CAMTA2: variants seen among roughly 807,000 people sequenced by gnomAD.
The protein encoded by CAMTA2 is calmodulin-binding transcription activator 2.
In CAMTA2, 56 loss-of-function variants were observed where a neutral mutation model predicts 135.7. That is an observed-to-expected ratio of 0.41 (90% CI 0.33 to 0.52). The LOEUF (loss-of-function observed/expected upper bound fraction) is 0.52, where lower values mean the gene tolerates loss of function less well. Among genes scored for constraint, CAMTA2 ranks in the 20% least tolerant of loss-of-function variants. The probability of loss-of-function intolerance (pLI) is 0.16; values close to 1 mark genes in which losing one functional copy is unlikely to be tolerated. For synonymous variants in CAMTA2, 591 were observed against 604.6 expected, an observed-to-expected ratio of 0.98 and a Z score of 0.33; for missense variants, 1,358 against 1,553.4, an observed-to-expected ratio of 0.87 and a Z score of 2.11.
At chr17:4,976,769 A>G (rs1972641657) in intron 11 of CAMTA2, among the ~76,000 whole-genome samples, 1 of 152,208 alleles carries the variant, frequency 6.6e-6, no homozygotes, top group African/African-American at 2.4e-5. Flanking sequence ...ATATTGCTCT[A>G]GACCCTGTCC....
In CAMTA2 at chr17:4,973,785, T is replaced by C; in HGVS notation, c.2017-16A>G. The C allele has an allele frequency of 6.4e-7, 1 of 1,569,650 alleles. No individual in the cohort carries two copies. The highest frequency in any genetic ancestry group is 1.2e-5 in the South Asian group (1 of 85,912). On this transcript the variant is annotated splice_polypyrimidine_tract_variant and intron_variant, in intron 12 of 22. Transcript: ENST00000348066. Reference sequence around the variant, plus strand: ...GGCCTTCATCCTGCGATATACACACTCTTAGGCAGAGACCCAGGTATCTAC... The same window carrying C: ...GGCCTTCATCCTGCGATATACACACCCTTAGGCAGAGACCCAGGTATCTAC...
chr17:4,987,077 C>T lies in CAMTA2; in HGVS notation c.-65+516G>A. 4 of 1,396,094 alleles carry T rather than the reference C, an allele frequency of 2.9e-6. No homozygotes were observed. In the East Asian group the frequency reaches 1.2e-4, roughly 41 times the overall value. The allele number at this position is 1,396,094 out of a possible 1,614,324, so 86.5% of individuals were successfully genotyped here. ...AGGATGGAGATGGGAGGAGGCCCGTCGGGCTCGGCTATGTGCAGTGAAGCT... is the reference window on the plus strand; with the variant it reads ...AGGATGGAGATGGGAGGAGGCCCGTTGGGCTCGGCTATGTGCAGTGAAGCT... On this transcript the variant is annotated intron_variant, in intron 1 of 22. Transcript: ENST00000348066.
rs1227360110 is a variant in CAMTA2 at position 4,981,767 on chromosome 17, C to T, written c.476G>A (p.Cys159Tyr). 8 of 1,613,640 alleles carry T rather than the reference C, an allele frequency of 5.0e-6. No homozygotes were observed. The highest frequency in any genetic ancestry group is 6.8e-6 in the Non-Finnish European group (8 of 1,179,740). The change falls in exon 7 of 23, where the codon TGC (cysteine) becomes TAC (tyrosine). Residue 159 changes from cysteine to tyrosine, a missense_variant. This residue lies in a region of CAMTA2 where 1,077 missense variants were observed against 1,127.5 expected (regional missense o/e 0.96). Transcript: ENST00000348066. ...VPALEDCGKG[C>Y]SPIFCSISSD... The stretch of plus-strand genomic sequence containing the variant: ...GCTGATGGAACAAAAGATGGGGCTG[C>T]AGCCCTTTCCACAGTCCTCCAGGGC...
At chr17:4,986,054 G>C (rs1973259461) in intron 2 of CAMTA2, 71 bp from the exon 3 acceptor site, 1 of 1,241,272 alleles carries the variant, frequency 8.1e-7, no homozygotes, top group Non-Finnish European at 1.2e-6. Flanking sequence ...AAGGGGAAAG[G>C]GCTGAAGGCA....
intron 16 of CAMTA2, among the ~76,000 whole-genome samples, chr17:4,970,986 C>CTAT (rs1972248540): frequency 6.6e-6 from 1 of 152,220 alleles, no homozygotes; most frequent in Admixed American, 6.5e-5. Flanking sequence ...GCCCTGAAGC[C>CTAT]TATACTCCAG....
Position 4,979,685 on chromosome 17 carries a change from T to G in CAMTA2, c.1637A>C (p.Glu546Ala). The G allele has an allele frequency of 6.2e-7, 1 of 1,608,968 alleles. No homozygotes were observed. The highest frequency in any genetic ancestry group is 8.5e-7 in the Non-Finnish European group (1 of 1,176,354). ...TDFSPEWSYP[E>A]GGVKVLITGP... Reference sequence around the variant, plus strand: ...GGAGGAGGTAAGCCTGAGTCTCACCTCTGGGTAGGACCACTCTGGGGAGAA... The same window carrying G: ...GGAGGAGGTAAGCCTGAGTCTCACCGCTGGGTAGGACCACTCTGGGGAGAA... Residue 546 changes from glutamate to alanine, a missense_variant and splice_region_variant, in exon 9 of 23, where the codon GAG becomes GCG. By Grantham distance (107) the Glu-to-Ala change is moderately radical. This residue lies in a region of CAMTA2 where 1,077 missense variants were observed against 1,127.5 expected (regional missense o/e 0.96). Transcript: ENST00000348066.
intron 3 of CAMTA2, 71 bp from the exon 4 acceptor site, chr17:4,983,114 T>G: frequency 7.8e-7 from 1 of 1,285,730 alleles, no homozygotes; most frequent in East Asian, 2.3e-5. Context: ...TTGGTCATCC[T>G]GTCAGTGTCT....
Position 4,980,429 on chromosome 17 carries a change from G to A in CAMTA2, c.893C>T (p.Ser298Leu), listed in dbSNP as rs547967195. 7.8e-5 allele frequency: 126 copies of A among 1,613,720 alleles called. 2 individuals are homozygous for A. In the South Asian group the frequency reaches 1.3e-3, roughly 17 times the overall value. Residue 298 changes from serine to leucine, a missense_variant, in exon 9 of 23, where the codon TCA becomes TTA. Around this residue, in one of 4 missense-constraint regions of CAMTA2, gnomAD observed 1,077 missense variants for 1,127.5 expected, o/e 0.96. Coordinates refer to ENST00000348066, the MANE Select transcript of CAMTA2 (RefSeq NM_015099.4). The surrounding 1 kb of genome is among the most constrained non-coding windows in gnomAD (Gnocchi z 5.3). Reference sequence around the variant, plus strand: ...TTCTAGGGGCTCTGCAAAACCTGATGAGGAGGAAGAAGAGGAAGAAGATGG... The same window carrying A: ...TTCTAGGGGCTCTGCAAAACCTGATAAGGAGGAAGAAGAGGAAGAAGATGG... ...TSPSSSSSSS[S>L]SGFAEPLEIR...
In CAMTA2 at chr17:4,968,073, G is replaced by T. The variant is rs1972022357; in HGVS notation, c.*683C>A. 2.0e-6 allele frequency: 1 copy of T among 509,838 alleles called. No homozygotes were observed. The highest frequency in any genetic ancestry group is 1.9e-5 in the African/African-American group (1 of 52,004). The allele number at this position is 509,838 out of a possible 1,614,324, so 31.6% of individuals were successfully genotyped here. On this transcript the variant is annotated 3_prime_UTR_variant, in exon 23 of 23. Transcript: ENST00000348066. ...TAGAAAGTGCCCGTGGAGCCGGCAG[G>T]AGGCCCCCGCCGCGCTAGAGAACCA...
intron 16 of CAMTA2, among the ~76,000 whole-genome samples, chr17:4,971,010 A>AC (rs1434922596): frequency 1.2e-4 from 19 of 152,302 alleles, no homozygotes; most frequent in African/African-American, 4.3e-4. Flanking sequence ...TTCCTGCTGG[A>AC]CACACTCAAC....
In CAMTA2 at chr17:4,973,324, T is replaced by C. The variant is rs987701115; in HGVS notation, c.2202-71A>G. The C allele has an allele frequency of 6.2e-6, 8 of 1,285,242 alleles. 1 individual carries two copies. Among genetic ancestry groups the C allele is most frequent in the Admixed American group, 3.4e-5 (2 of 59,038 alleles). 79.6% of individuals were successfully genotyped at this position (1,285,242 alleles called of 1,614,324 possible). A position where few individuals can be genotyped will look rare whatever the true frequency, so the allele number is the denominator to read the frequency against. ...GTGGGCAAAGCAGGAACATCAGAAG[T>C]AAAGGCACTAGGAGGCAAGCTGTAC... is the stretch of plus-strand genomic sequence containing the variant. On this transcript the variant is annotated intron_variant, in intron 13 of 22. Coordinates refer to ENST00000348066, the MANE Select transcript of CAMTA2 (RefSeq NM_015099.4).
At chr17:4,983,455 T>TG (rs1973084524) in intron 3 of CAMTA2, among the ~76,000 whole-genome samples, 1 of 151,386 alleles carries the variant, frequency 6.6e-6, no homozygotes, top group Non-Finnish European at 1.5e-5. Context: ...GGTAATTTTG[T>TG]ATTTTTTTTA....
chr17:4,983,023 G>T lies in CAMTA2; in HGVS notation c.156C>A (p.Ile52=). 6.2e-7 allele frequency: 1 copy of T among 1,614,052 alleles called. No homozygotes were observed. The highest frequency in any genetic ancestry group is 1.1e-5 in the South Asian group (1 of 91,052). Residue 52 remains isoleucine (I), a synonymous_variant, in exon 4 of 23, where the codon ATC becomes ATA. Transcript: ENST00000348066. ...NTNEEIASYL[I]TFEKHDEWLS... Reference sequence around the variant, plus strand: ...GCCACTCATCATGCTTCTCAAAGGTGATCAGGTAGGATGCAATCTCCTGTA... The same window carrying T: ...GCCACTCATCATGCTTCTCAAAGGTTATCAGGTAGGATGCAATCTCCTGTA...
At chr17:4,984,899 C>A (rs942676734) in intron 3 of CAMTA2, among the ~76,000 whole-genome samples, 1 of 152,252 alleles carries the variant, frequency 6.6e-6, no homozygotes, top group South Asian at 2.1e-4. Context: ...TGCCTGTAGT[C>A]CCAGCTACTC....
At chr17:4,973,398 G>A in intron 13 of CAMTA2, 145 bp from the exon 14 acceptor site, 4 of 866,780 alleles carry the variant, frequency 4.6e-6, no homozygotes, top group Non-Finnish European at 7.5e-6. Context: ...AGGAGGTCAA[G>A]AAGTCAAAGT....
chr17:4,973,256 G>A lies in CAMTA2; in HGVS notation c.2202-3C>T. ...CCAAGCTTCCAGTCTCCACACTCCT[G>A]GAGGGTTTGGGAGAGAGACAGCAGA... On this transcript the variant is annotated splice_polypyrimidine_tract_variant and splice_region_variant and intron_variant, in intron 13 of 22. Coordinates refer to ENST00000348066, the MANE Select transcript of CAMTA2 (RefSeq NM_015099.4). The A allele has an allele frequency of 3.1e-6, 5 of 1,611,836 alleles. No individual in the cohort carries two copies. Among genetic ancestry groups the A allele is most frequent in the Non-Finnish European group, 4.2e-6 (5 of 1,177,936 alleles).
intron 1 of CAMTA2, chr17:4,987,262 A>G: frequency 7.4e-7 from 1 of 1,344,154 alleles, no homozygotes; most frequent in Non-Finnish European, 9.5e-7. Context: ...TGGTGGTCCC[A>G]GGAGAACCTC....
chr17:4,969,251 C>G lies in CAMTA2; in HGVS notation c.3369G>C (p.Gln1123His). The G allele has an allele frequency of 6.2e-7, 1 of 1,613,912 alleles. No individual in the cohort carries two copies. The change falls in exon 21 of 23, where the codon CAG (glutamine) becomes CAC (histidine). Residue 1123 changes from glutamine (Q) to histidine (H), a missense_variant. Coordinates refer to ENST00000348066, the MANE Select transcript of CAMTA2 (RefSeq NM_015099.4). This position sits in a 1 kb window ranked among gnomAD's most constrained non-coding sequence, Gnocchi z 5.6. ...GGATGAGCACAGCCGCTCGGCGGCT[C>G]TGCTGAAATCGCTTCTGTTCATAGT... is the stretch of plus-strand genomic sequence containing the variant. Reference protein sequence around the residue: ...RSYYEQKRFQQSRRAAVLIQQ... With the variant: ...RSYYEQKRFQHSRRAAVLIQQ...
chr17:4,981,412 G>A (rs1044002428), intron 7 of CAMTA2, 53 bp from the exon 8 acceptor site: 2 of 1,594,496 alleles, frequency 1.3e-6, no homozygotes, highest in African/African-American at 2.7e-5. Flanking sequence ...AGGCCCCAGA[G>A]TACCTTGATG....
Sources: gnomAD v4.1 joint callset for allele counts (sites outside exome capture counted in the v4.1 genomes callset) on GRCh38, gnomAD v4.1.1 for gene constraint, gnomAD v4.1.1 regional missense constraint, Gnocchi (gnomAD v3.1) non-coding constraint, MANE v1.5 for transcripts, NCBI Gene and HGNC (gene_info 2026-07-23, HGNC 2026-07-21) for gene names.